Variants in SLC38A7 observed in about 807,000 individuals in gnomAD.
The protein encoded by SLC38A7 is solute carrier family 38 member 7.
In SLC38A7, 29 loss-of-function variants were observed where a neutral mutation model predicts 50.1. The ratio of observed to expected loss-of-function variants is 0.58; its 90% CI spans 0.43 to 0.79. SLC38A7 has a LOEUF of 0.79. SLC38A7 is among the 30% of genes least tolerant of loss of function. The pLI, the probability that SLC38A7 is intolerant of heterozygous loss-of-function variation, is 0.00. For missense variants in SLC38A7, 483 were observed against 610.6 expected (o/e 0.79, Z 2.20); for synonymous variants, 244 against 245.9 (o/e 0.99, Z 0.07).
rs1259446262 is a variant in SLC38A7 at position 58,670,102 on chromosome 16, T to A, written c.1286+11A>T. On this transcript the variant is annotated intron_variant, in intron 11 of 11. Coordinates refer to ENST00000219320, the MANE Select transcript of SLC38A7 (RefSeq NM_018231.3). ...CTCCCTGAGAGGATCAAGGGCTGGG[T>A]CCTGCTTTACCTGGCTGGTTTGACC... 1 of 1,613,914 alleles carries A rather than the reference T, an allele frequency of 6.2e-7. No homozygotes were observed.
In SLC38A7 at chr16:58,678,343, T is replaced by G. The variant is rs779250068; in HGVS notation, c.601A>C (p.Lys201Gln). Residue 201 changes from lysine (K) to glutamine (Q), a missense_variant, in exon 5 of 12, where the codon AAA becomes CAA. Physicochemically the swap from Lys to Gln is moderately conservative, Grantham distance 53. Coordinates refer to ENST00000219320, the MANE Select transcript of SLC38A7 (RefSeq NM_018231.3). The surrounding 1 kb of genome is among the most constrained non-coding windows in gnomAD (Gnocchi z 4.0). ...LSIPREIGFQ[K>Q]YASFLSVVGT... ...CTGGGGCCTCCAAACCTGGCATATT[T>G]CTGGAAACCAATCTCCCTGGGGATG... 6.4e-7 allele frequency: 1 copy of G among 1,560,996 alleles called. No homozygotes were observed. Among genetic ancestry groups the G allele is most frequent in the East Asian group, 2.3e-5 (1 of 44,226 alleles).
intron 3 of SLC38A7, among the ~76,000 whole-genome samples, chr16:58,679,165 G>A (rs574439703): frequency 6.6e-6 from 1 of 152,364 alleles, no homozygotes; most frequent in African/African-American, 2.4e-5. Flanking sequence ...GCTGAGGCAG[G>A]AGGATCACTT....
chr16:58,672,040 T>C (rs2044168940), intron 9 of SLC38A7, 56 bp downstream of exon 9: 1 of 1,490,958 alleles, frequency 6.7e-7, no homozygotes, highest in Non-Finnish European at 9.0e-7. Context: ...CAAAGGACCA[T>C]GTTGGAAGCG....
At chr16:58,671,989 G>T in intron 9 of SLC38A7, 107 bp downstream of exon 9, 1 of 1,318,972 alleles carries the variant, frequency 7.6e-7, no homozygotes, top group Non-Finnish European at 1.0e-6. Flanking sequence ...TTTTCTACAG[G>T]CTTCAGTTTC....
At chr16:58,671,300 C>G (rs2044155291) in intron 9 of SLC38A7, 56 bp from the exon 10 acceptor site, 1 of 1,568,832 alleles carries the variant, frequency 6.4e-7, no homozygotes, top group Admixed American at 1.7e-5. Context: ...CTCCCCACCT[C>G]TAGCTCACAG....
chr16:58,672,268 G>A, intron 8 of SLC38A7, 25 bp from the exon 9 acceptor site: 1 of 1,566,004 alleles, frequency 6.4e-7, no homozygotes, highest in African/African-American at 1.3e-5. Context: ...AACTGGGTCA[G>A]GGCAACCCTG....
At chr16:58,676,813 G>C (rs895853416) in intron 6 of SLC38A7, among the ~76,000 whole-genome samples, 1 of 151,812 alleles carries the variant, frequency 6.6e-6, no homozygotes, top group African/African-American at 2.4e-5. Context: ...CACCACACCC[G>C]GCTAATTTTT....
intron 8 of SLC38A7, among the ~76,000 whole-genome samples, chr16:58,673,696 G>A (rs1233032092): frequency 7.1e-6 from 1 of 139,918 alleles, no homozygotes; most frequent in African/African-American, 2.7e-5. Flanking sequence ...ACAGGATCTT[G>A]CTCTGTCACT....
At chr16:58,670,958 T>G (rs965230779) in intron 10 of SLC38A7, 87 bp downstream of exon 10, 11 of 1,413,448 alleles carry the variant, frequency 7.8e-6, no homozygotes, top group Non-Finnish European at 1.1e-5. Context: ...CTCTCCTGCA[T>G]GTTTTGAGCA....
At chr16:58,670,981 A>C in intron 10 of SLC38A7, 64 bp downstream of exon 10, 1 of 1,531,732 alleles carries the variant, frequency 6.5e-7, no homozygotes. Context: ...TAGGGAGCTG[A>C]GGCTAGGCAG....
At chr16:58,679,367 G>C (rs981802649) in intron 3 of SLC38A7, among the ~76,000 whole-genome samples, 1 of 152,138 alleles carries the variant, frequency 6.6e-6, no homozygotes, top group African/African-American at 2.4e-5. Flanking sequence ...ACTCCAGCCT[G>C]GGTGACAAAG....
At chr16:58,672,011 G>A in intron 9 of SLC38A7, 85 bp downstream of exon 9, 1 of 1,390,050 alleles carries the variant, frequency 7.2e-7, no homozygotes, top group South Asian at 1.5e-5. Context: ...CCTTCTACAG[G>A]ATGGGGTCCA....
At position 58,665,329 on chromosome 16, in the gene SLC38A7, G is replaced by C. The variant is rs1315279612; in HGVS notation, c.*2056C>G. ...TTGACCCCCGAAACACGGCACTGGG[G>C]GACTGCAGCCCTGCTGACCAGGCTG... is the stretch of plus-strand genomic sequence containing the variant. On this transcript the variant is annotated 3_prime_UTR_variant, in exon 12 of 12. Transcript: ENST00000219320. 1 of 152,510 alleles carries C rather than the reference G, an allele frequency of 6.6e-6. No individual in the cohort carries two copies. Among genetic ancestry groups the C allele is most frequent in the East Asian group, 1.9e-4 (1 of 5,194 alleles). The allele number at this position is 152,510 out of a possible 1,614,324, so 9.4% of individuals were successfully genotyped here. A position where few individuals can be genotyped will look rare whatever the true frequency, so the allele number is the denominator to read the frequency against.
chr16:58,682,632 A>C (rs8048458), intron 2 of SLC38A7, among the ~76,000 whole-genome samples: 17 of 150,162 alleles, frequency 1.1e-4, no homozygotes, highest in Non-Finnish European at 2.1e-4. Context: ...GCTAACTTTT[A>C]AAATTTTTTT....
Position 58,678,694 on chromosome 16 carries a change from A to G in SLC38A7, c.469+2T>C. On this transcript the variant is annotated splice_donor_variant, in intron 4 of 11. Transcript: ENST00000219320. LOFTEE classifies it high-confidence loss of function. The surrounding 1 kb of genome is among the most constrained non-coding windows in gnomAD (Gnocchi z 4.0). ...GGGGTAGGGACTGAGGGAGAAGCTCACTCTTGTCCTGCTGGTCGCCAATGA... is the reference window on the plus strand; with the variant it reads ...GGGGTAGGGACTGAGGGAGAAGCTCGCTCTTGTCCTGCTGGTCGCCAATGA... 1 of 1,613,364 alleles carries G rather than the reference A, an allele frequency of 6.2e-7. No homozygotes were observed. Among genetic ancestry groups the G allele is most frequent in the Non-Finnish European group, 8.5e-7 (1 of 1,179,754 alleles).
chr16:58,678,786 T>G lies in SLC38A7; in HGVS notation c.379A>C (p.Thr127Pro). ...EVVWAVCGKLTGVLCEVAIAV... is the reference protein window; with the variant it reads ...EVVWAVCGKLPGVLCEVAIAV... ...ATGGCCACCTCACATAGCACACCTG[T>G]CAGCTTGCCACACACAGCCCATACC... The change falls in exon 4 of 12, where the codon ACA becomes CCA. Residue 127 changes from threonine (T) to proline (P), a missense_variant. Physicochemically the swap from Thr to Pro is conservative, Grantham distance 38. Transcript: ENST00000219320. This position sits in a 1 kb window ranked among gnomAD's most constrained non-coding sequence, Gnocchi z 4.0. 1 of 1,614,216 alleles carries G rather than the reference T, an allele frequency of 6.2e-7. No individual in the cohort carries two copies. Among genetic ancestry groups the G allele is most frequent in the East Asian group, 2.2e-5 (1 of 44,880 alleles).
chr16:58,677,369 T>C lies in SLC38A7; in HGVS notation c.667A>G (p.Ile223Val), dbSNP rs767548877. 12 of 1,613,586 alleles carry C rather than the reference T, an allele frequency of 7.4e-6. No homozygotes were observed. In the East Asian group the frequency reaches 8.9e-5, roughly 12 times the overall value. ...GGGGTCATCTCTTTATCTGGCCAGA[T>C]GTACTTGATGATAACGATGGCTGTG... ...YVTAIVIIKY[I>V]WPDKEMTPGN... The change falls in exon 6 of 12, where the codon ATC becomes GTC. Residue 223 changes from isoleucine (I) to valine (V), a missense_variant. Ile to Val is a conservative substitution (Grantham distance 29). Coordinates refer to ENST00000219320, the MANE Select transcript of SLC38A7 (RefSeq NM_018231.3).
chr16:58,678,982 C>T lies in SLC38A7; in HGVS notation c.271-88G>A. ...TCGCCTAGCATTTACTGGGCCAGTG[C>T]CCAAAGCAAGCTTGGCAAATCTCAC... On this transcript the variant is annotated intron_variant, in intron 3 of 11. Coordinates refer to ENST00000219320, the MANE Select transcript of SLC38A7 (RefSeq NM_018231.3). The surrounding 1 kb of genome is among the most constrained non-coding windows in gnomAD (Gnocchi z 4.0). 1.5e-6 allele frequency: 2 copies of T among 1,339,866 alleles called. No homozygotes were observed. The highest frequency in any genetic ancestry group is 1.3e-5 in the South Asian group (1 of 79,942). The allele number at this position is 1,339,866 out of a possible 1,614,324, so 83.0% of individuals were successfully genotyped here.
At chr16:58,675,754 T>A (rs1018277369) in intron 8 of SLC38A7, among the ~76,000 whole-genome samples, 186 bp downstream of exon 8, 3 of 152,130 alleles carry the variant, frequency 2.0e-5, no homozygotes, top group African/African-American at 7.2e-5. Context: ...GGTGAATGAA[T>A]GGATGAATAC....
Sources: allele counts gnomAD v4.1 joint callset (sites outside exome capture counted in the v4.1 genomes callset), GRCh38; gene constraint gnomAD v4.1.1; non-coding constraint Gnocchi (gnomAD v3.1); transcripts MANE v1.5; gene names NCBI Gene and HGNC (gene_info 2026-07-23, HGNC 2026-07-21).